CRMP1: variants seen among roughly 807,000 people sequenced by gnomAD.
CRMP1 encodes dihydropyrimidinase-related protein 1.
A neutral mutation model predicts 68.3 loss-of-function variants in CRMP1; 19 were observed. The ratio of observed to expected loss-of-function variants is 0.28; its 90% CI spans 0.19 to 0.41. The LOEUF is 0.41. Ranked by LOEUF, CRMP1 falls within the 10% of genes least tolerant of loss-of-function variation. The pLI is 1.00. For missense variants in CRMP1, 791 were observed against 967.4 expected, an observed-to-expected ratio of 0.82 and a Z score of 2.42; for synonymous variants, 439 against 399.6, an observed-to-expected ratio of 1.10 and a Z score of -1.18.
intron 1 of CRMP1, among the ~76,000 whole-genome samples, chr4:5,874,918 G>T (rs192526821): frequency 6.6e-6 from 1 of 152,272 alleles, no homozygotes; most frequent in Non-Finnish European, 1.5e-5. Context: ...GCTGCAGGAA[G>T]GCGTCCTCGC....
intron 1 of CRMP1, chr4:5,887,803 G>T: frequency 1.0e-6 from 1 of 992,200 alleles, no homozygotes; most frequent in Non-Finnish European, 1.2e-6. Flanking sequence ...GTACCGGGCT[G>T]TGGGGTGCAT....
chr4:5,825,814 T>C lies in CRMP1; in HGVS notation c.1804-155A>G. On this transcript the variant is annotated intron_variant, in intron 12 of 13. Transcript: ENST00000324989. This position sits in a 1 kb window ranked among gnomAD's most constrained non-coding sequence, Gnocchi z 4.4. ...CAACACGCACACACGACAGGTGCAC[T>C]TCACACACATGCAGCCGCACACAGG... The C allele has an allele frequency of 1.4e-6, 1 of 692,800 alleles. No homozygotes were observed. The highest frequency in any genetic ancestry group is 2.4e-6 in the Non-Finnish European group (1 of 414,768). The allele number at this position is 692,800 out of a possible 1,614,324, so 42.9% of individuals were successfully genotyped here.
chr4:5,822,343 C>G (rs1353038491), intron 13 of CRMP1, among the ~76,000 whole-genome samples: 3 of 152,152 alleles, frequency 2.0e-5, no homozygotes, highest in African/African-American at 7.2e-5. Flanking sequence ...TTTCAAAGCC[C>G]ATGATCTTAG....
chr4:5,863,113 T>C (rs866618623), intron 2 of CRMP1, among the ~76,000 whole-genome samples: 7 of 112,672 alleles, frequency 6.2e-5, no homozygotes, highest in South Asian at 3.3e-4. Flanking sequence ...TTTCTTTTTT[T>C]CCTTTTTTTT....
rs1363787585 is a variant in CRMP1 at position 5,889,985 on chromosome 4, T to C, written c.381+2604A>G. 8.6e-7 allele frequency: 1 copy of C among 1,166,522 alleles called. No individual in the cohort carries two copies. The highest frequency in any genetic ancestry group is 4.0e-5 in the East Asian group (1 of 25,156). 72.3% of individuals were successfully genotyped at this position (1,166,522 alleles called of 1,614,324 possible). A position where few individuals can be genotyped will look rare whatever the true frequency, so the allele number is the denominator to read the frequency against. On this transcript the variant is annotated intron_variant, in intron 1 of 13. Coordinates refer to ENST00000324989, the MANE Select transcript of CRMP1 (RefSeq NM_001014809.3). The surrounding 1 kb of genome is among the most constrained non-coding windows in gnomAD (Gnocchi z 4.5). ...TGATGTACCCCGGGTGCAAAACATATTAGCTGCAGCAAAGCAGCATGGAGA... is the reference window on the plus strand; with the variant it reads ...TGATGTACCCCGGGTGCAAAACATACTAGCTGCAGCAAAGCAGCATGGAGA...
At position 5,890,748 on chromosome 4, in the gene CRMP1, G is replaced by T. The variant is rs1284034018; in HGVS notation, c.381+1841C>A. On this transcript the variant is annotated intron_variant, in intron 1 of 13. Transcript: ENST00000324989. The surrounding 1 kb of genome is among the most constrained non-coding windows in gnomAD (Gnocchi z 5.5). ...GACCAGCGTCCCCAAGGGTCAGGGC[G>T]CAGCTGCGGGGCTGGCCCAGGCTGC... 6.6e-6 allele frequency among the ~76,000 whole-genome samples: 1 copy of T among 152,178 alleles called. No homozygotes were observed. The highest frequency in any genetic ancestry group is 1.5e-5 in the Non-Finnish European group (1 of 68,024).
chr4:5,824,481 A>G, intron 13 of CRMP1: 1 of 984,822 alleles, frequency 1.0e-6, no homozygotes, highest in Non-Finnish European at 1.2e-6. Flanking sequence ...TTCACACGTC[A>G]TCCTCTCTCT....
intron 11 of CRMP1, among the ~76,000 whole-genome samples, chr4:5,835,532 C>T (rs186094798): frequency 1.3e-5 from 2 of 152,342 alleles, no homozygotes; most frequent in East Asian, 3.9e-4. Context: ...AGGTTTCCGA[C>T]ATACCAAATC....
rs541485379 is a variant in CRMP1 at position 5,848,897 on chromosome 4, C to T, written c.963+495G>A. Among the ~76,000 whole-genome samples, 4 of 152,324 alleles carry T rather than the reference C, an allele frequency of 2.6e-5. No individual in the cohort carries two copies. The South Asian group carries it at 8.3e-4, about 32-fold the overall frequency. ...GATGATCTCATCTAATCCAAATTAC[C>T]TCCCTAAGGCCTCACCTCCAAATAC... is the stretch of plus-strand genomic sequence containing the variant. On this transcript the variant is annotated intron_variant, in intron 6 of 13. Coordinates refer to ENST00000324989, the MANE Select transcript of CRMP1 (RefSeq NM_001014809.3).
chr4:5,879,965 G>GT lies in CRMP1; in HGVS notation c.381+12623_381+12624insA, dbSNP rs1715122379. Among the ~76,000 whole-genome samples the GT allele has an allele frequency of 6.6e-6, 1 of 152,204 alleles. No homozygotes were observed. The highest frequency in any genetic ancestry group is 2.4e-5 in the African/African-American group (1 of 41,448). ...AGGAATAAAGAATTGGAGTGGTTTT[G>GT]GAAAAGAGAAGGTCCTAAGTAATGG... is the stretch of plus-strand genomic sequence containing the variant. On this transcript the variant is annotated intron_variant, in intron 1 of 13. Transcript: ENST00000324989. This position sits in a 1 kb window ranked among gnomAD's most constrained non-coding sequence, Gnocchi z 4.2.
At chr4:5,833,686 T>C (rs995473740) in intron 11 of CRMP1, among the ~76,000 whole-genome samples, 2 of 152,304 alleles carry the variant, frequency 1.3e-5, no homozygotes, top group East Asian at 1.9e-4. Flanking sequence ...TTTGGCTGGA[T>C]TGTGATGATA....
intron 1 of CRMP1, chr4:5,887,521 G>C (rs1560524693): frequency 1.0e-6 from 1 of 984,892 alleles, no homozygotes; most frequent in Non-Finnish European, 1.2e-6. Context: ...CGTAAAGACG[G>C]GGATTCCTTT....
intron 2 of CRMP1, among the ~76,000 whole-genome samples, chr4:5,864,799 G>A (rs1482542756): frequency 2.0e-5 from 3 of 152,288 alleles, no homozygotes; most frequent in South Asian, 2.1e-4. Flanking sequence ...GCAGGGGACT[G>A]ATGGGTGCAA....
intron 2 of CRMP1, among the ~76,000 whole-genome samples, chr4:5,864,659 CAG>C (rs1713853172): frequency 6.6e-6 from 1 of 152,138 alleles, no homozygotes; most frequent in African/African-American, 2.4e-5. Flanking sequence ...GCTGTGGGGA[CAG>C]AGGGATGCAC....
intron 13 of CRMP1, among the ~76,000 whole-genome samples, chr4:5,823,121 C>T (rs953144719): frequency 6.6e-6 from 1 of 152,214 alleles, no homozygotes; most frequent in Non-Finnish European, 1.5e-5. Flanking sequence ...CAGTGCTAAT[C>T]ATGCCTTGAA....
chr4:5,831,600 C>G (rs1185158599), intron 11 of CRMP1, among the ~76,000 whole-genome samples: 1 of 152,144 alleles, frequency 6.6e-6, no homozygotes, highest in Non-Finnish European at 1.5e-5. Context: ...GAACCAGTCA[C>G]CCATCTCCCA....
At position 5,866,952 on chromosome 4, in the gene CRMP1, TCA is replaced by T. The variant is rs993853032; in HGVS notation, c.382-198_382-197del. ...ATTCTCCTTTCACCTTTCTCCCCTC[TCA>T]CTTTGTTTTGTTTTTGCTGAGGTGT... On this transcript the variant is annotated intron_variant, in intron 1 of 13. Transcript: ENST00000324989. The surrounding 1 kb of genome is among the most constrained non-coding windows in gnomAD (Gnocchi z 5.9). Among the ~76,000 whole-genome samples the T allele has an allele frequency of 6.6e-6, 1 of 152,220 alleles. No individual in the cohort carries two copies. Among genetic ancestry groups the T allele is most frequent in the Non-Finnish European group, 1.5e-5 (1 of 68,046 alleles).
Position 5,861,096 on chromosome 4 carries a change from C to G in CRMP1, c.585G>C (p.Gln195His). 1 of 1,614,232 alleles carries G rather than the reference C, an allele frequency of 6.2e-7. No homozygotes were observed. Among genetic ancestry groups the G allele is most frequent in the South Asian group, 1.1e-5 (1 of 91,090 alleles). ...AGAAGTCATCAGCCGCAGTCATCCC[C>G]TGGGAGGGCTTCTGCAGGTACGTGT... ...DVNTYLQKPS[Q>H]GMTAADDFFQ... Residue 195 changes from glutamine (Q) to histidine (H), a missense_variant, in exon 3 of 14, where the codon CAG becomes CAC. By Grantham distance (24) the Gln-to-His change is conservative. Transcript: ENST00000324989. This position sits in a 1 kb window ranked among gnomAD's most constrained non-coding sequence, Gnocchi z 6.0.
Position 5,821,853 on chromosome 4 carries a change from T to TGAAA in CRMP1, c.1970-6_1970-3dup, listed in dbSNP as rs763171037. 3.2e-6 allele frequency: 5 copies of TGAAA among 1,572,142 alleles called. No individual in the cohort carries two copies. The highest frequency in any genetic ancestry group is 4.5e-5 in the East Asian group (2 of 44,612). ...GATTGTTGTCATCTATCTGGGCACC[T>TGAAA]GAAAGAGAGCGCCAATCGCTGCTGG... On this transcript the variant is annotated splice_region_variant and splice_polypyrimidine_tract_variant and intron_variant, in intron 13 of 13. Coordinates refer to ENST00000324989, the MANE Select transcript of CRMP1 (RefSeq NM_001014809.3). This position sits in a 1 kb window ranked among gnomAD's most constrained non-coding sequence, Gnocchi z 4.4.
Sources: gnomAD v4.1 joint callset for allele counts (sites outside exome capture counted in the v4.1 genomes callset) on GRCh38, gnomAD v4.1.1 for gene constraint, Gnocchi (gnomAD v3.1) non-coding constraint, MANE v1.5 for transcripts, NCBI Gene and HGNC (gene_info 2026-07-23, HGNC 2026-07-21) for gene names.